Variants in CNIH3 observed in about 807,000 individuals in gnomAD.
CNIH3 encodes the protein cornichon family AMPA receptor auxiliary protein 3, also known as protein cornichon homolog 3.
Under a neutral mutation model 24.1 loss-of-function variants are expected in CNIH3, and 14 were observed. The ratio of observed to expected loss-of-function variants is 0.58; its 90% CI spans 0.38 to 0.91. CNIH3 has a LOEUF of 0.91. Among genes scored for constraint, CNIH3 ranks in the 40% least tolerant of loss-of-function variants. The pLI is 0.00. For missense variants in CNIH3, 178 were observed against 196.8 expected, an observed-to-expected ratio of 0.90 and a Z score of 0.57; for synonymous variants, 68 against 73.8, an observed-to-expected ratio of 0.92 and a Z score of 0.40.
chr1:224,597,234 T>G (rs6665515), intron 3 of CNIH3, among the ~76,000 whole-genome samples: 3,966 of 152,142 alleles, frequency 0.026, 176 homozygotes, highest in African/African-American at 0.09. Context: ...CTGACCTTCT[T>G]CTCTCCTTTC....
exon 6 of CNIH3, chr1:224,588,596 C>T (rs1681609839): frequency 6.6e-6 from 1 of 151,698 alleles, no homozygotes; most frequent in Non-Finnish European, 1.5e-5. Context: ...AGGATCTTTG[C>T]CACTACTTAA....
chr1:224,561,372 A>G (rs922461055), intron 3 of CNIH3, among the ~76,000 whole-genome samples: 2 of 152,084 alleles, frequency 1.3e-5, no homozygotes, highest in Non-Finnish European at 2.9e-5. Flanking sequence ...ATCCACCCAG[A>G]GCTGATTTTT....
chr1:224,506,620 C>T (rs1285695251), intron 1 of CNIH3, among the ~76,000 whole-genome samples: 1 of 152,196 alleles, frequency 6.6e-6, no homozygotes, highest in Non-Finnish European at 1.5e-5. Context: ...CCTGATACAG[C>T]CCTTTTAGGG....
At chr1:224,658,164 G>A (rs1685186769) in intron 1 of CNIH3, among the ~76,000 whole-genome samples, 1 of 152,064 alleles carries the variant, frequency 6.6e-6, no homozygotes, top group South Asian at 2.1e-4. Flanking sequence ...CTGAATGTAT[G>A]TATTTATTTG....
chr1:224,572,884 G>C (rs921887795), intron 4 of CNIH3, among the ~76,000 whole-genome samples: 1 of 152,010 alleles, frequency 6.6e-6, no homozygotes, highest in Admixed American at 6.6e-5. Flanking sequence ...GTTGAGACAG[G>C]GTCTTGCTCT....
intron 2 of CNIH3, among the ~76,000 whole-genome samples, chr1:224,683,889 T>C (rs1686521105): frequency 6.6e-6 from 1 of 152,222 alleles, no homozygotes; most frequent in Admixed American, 6.5e-5. Context: ...TTTCCAGCCA[T>C]GTGGACACTA....
At chr1:224,628,755 G>T (rs1332425519) in intron 1 of CNIH3, among the ~76,000 whole-genome samples, 2 of 152,052 alleles carry the variant, frequency 1.3e-5, no homozygotes, top group Non-Finnish European at 2.9e-5. Flanking sequence ...GGCCATGAGG[G>T]GAAGGGAGGT....
At chr1:224,657,725 C>T (rs1238581763) in intron 1 of CNIH3, among the ~76,000 whole-genome samples, 1 of 152,122 alleles carries the variant, frequency 6.6e-6, no homozygotes, top group Admixed American at 6.5e-5. Flanking sequence ...CCAAAGTTGT[C>T]AGAAATCTGC....
At chr1:224,464,197 T>G (rs1676062452) in intron 1 of CNIH3, among the ~76,000 whole-genome samples, 1 of 152,222 alleles carries the variant, frequency 6.6e-6, no homozygotes, top group Non-Finnish European at 1.5e-5. Context: ...TGGTGTCATG[T>G]CTAAGCAATC....
At chr1:224,600,459 T>C (rs988128494) in intron 3 of CNIH3, among the ~76,000 whole-genome samples, 2 of 152,206 alleles carry the variant, frequency 1.3e-5, no homozygotes, top group African/African-American at 4.8e-5. Context: ...CCCAAAGTGC[T>C]GGGATTACAG....
chr1:224,538,568 G>A (rs373878235), downstream of CNIH3, among the ~76,000 whole-genome samples: 3 of 152,030 alleles, frequency 2.0e-5, no homozygotes, highest in East Asian at 5.8e-4. Context: ...CCATCCTTTA[G>A]CTACAAGGAA....
At chr1:224,733,639 G>T (rs1158192547) in intron 4 of CNIH3, among the ~76,000 whole-genome samples, 1 of 152,180 alleles carries the variant, frequency 6.6e-6, no homozygotes, top group Admixed American at 6.5e-5. Flanking sequence ...CCTCTCCCTG[G>T]GCCCTTTACC....
At chr1:224,546,235 T>C (rs1367162369) in intron 2 of CNIH3, among the ~76,000 whole-genome samples, 1 of 152,188 alleles carries the variant, frequency 6.6e-6, no homozygotes, top group Admixed American at 6.6e-5. Flanking sequence ...TTTATGGAAG[T>C]TTTTCTCAAA....
downstream of CNIH3, among the ~76,000 whole-genome samples, chr1:224,592,119 ATG>A (rs933770739): frequency 1.3e-5 from 2 of 150,706 alleles, no homozygotes; most frequent in African/African-American, 4.9e-5. Context: ...GTATGTGTGT[ATG>A]TGTGTGTGTG....
At position 224,471,593 on chromosome 1, in the gene CNIH3, CT is replaced by C. The variant is rs771939815; in HGVS notation, n.203+36746del. 8.8e-3 allele frequency among the ~76,000 whole-genome samples: 1,245 copies of C among 142,158 alleles called. 17 individuals are homozygous for C. The highest frequency in any genetic ancestry group is 0.023 in the African/African-American group (899 of 39,022). 93.3% of individuals were successfully genotyped at this position (142,158 alleles called of 152,430 possible). A position where few individuals can be genotyped will look rare whatever the true frequency, so the allele number is the denominator to read the frequency against. On this transcript the variant is annotated intron_variant and non_coding_transcript_variant, in intron 1 of 5. Coordinates refer to the CNIH3 transcript ENST00000471578. Reference sequence around the variant, plus strand: ...TGCAAATGACAGAATCTCATTCTCTCTTTTTTTTTTTTTTTGAGATGGAGTC... The same window carrying C: ...TGCAAATGACAGAATCTCATTCTCTCTTTTTTTTTTTTTTGAGATGGAGTC...
intron 1 of CNIH3, among the ~76,000 whole-genome samples, chr1:224,619,617 G>A (rs1051918345): frequency 6.6e-6 from 1 of 152,104 alleles, no homozygotes; most frequent in Admixed American, 6.5e-5. Context: ...TTCAGGGCAC[G>A]GTTTGTATGT....
intron 5 of CNIH3, among the ~76,000 whole-genome samples, chr1:224,737,942 T>C (rs1689678713): frequency 6.6e-6 from 1 of 152,240 alleles, no homozygotes; most frequent in Non-Finnish European, 1.5e-5. Flanking sequence ...GAACAGTGTC[T>C]GCTCTGTAGA....
chr1:224,710,121 G>A (rs530360185), intron 3 of CNIH3, among the ~76,000 whole-genome samples: 34 of 152,280 alleles, frequency 2.2e-4, no homozygotes, highest in Admixed American at 6.5e-4. Context: ...GTTGATCACA[G>A]GTAATTTAAA....
chr1:224,520,470 T>C (rs533599430), intron 1 of CNIH3, among the ~76,000 whole-genome samples: 1 of 152,334 alleles, frequency 6.6e-6, no homozygotes, highest in African/African-American at 2.4e-5. Context: ...GATTCTGACC[T>C]TTTTATTATT....
Sources: allele counts gnomAD v4.1 joint callset (sites outside exome capture counted in the v4.1 genomes callset), GRCh38; gene constraint gnomAD v4.1.1; transcripts MANE v1.5; gene names NCBI Gene and HGNC (gene_info 2026-07-23, HGNC 2026-07-21).